BORA: variants seen among roughly 807,000 people sequenced by gnomAD.
The protein encoded by BORA is BORA aurora kinase A activator.
In BORA, 26 loss-of-function variants were observed where a neutral mutation model predicts 55.8. The ratio of observed to expected loss-of-function variants is 0.47; its 90% CI spans 0.34 to 0.65. The LOEUF (loss-of-function observed/expected upper bound fraction) is 0.65. Ranked by LOEUF, BORA falls within the 30% of genes least tolerant of loss-of-function variation. The probability of loss-of-function intolerance (pLI) is 0.01; values close to 1 mark genes in which losing one functional copy is unlikely to be tolerated. For missense variants in BORA, 568 were observed against 671.5 expected (o/e 0.85, Z 1.70); for synonymous variants, 201 against 216.9 (o/e 0.93, Z 0.64).
chr13:72,733,074 G>C (rs2032851852), intron 3 of BORA, among the ~76,000 whole-genome samples: 1 of 152,172 alleles, frequency 6.6e-6, no homozygotes, highest in Non-Finnish European at 1.5e-5. Flanking sequence ...ATGGAAAAGA[G>C]TGGGAAAATA....
chr13:72,753,644 C>CAAAA (rs762718113), intron 10 of BORA, 46 bp from the exon 11 acceptor site: 2 of 1,571,380 alleles, frequency 1.3e-6, no homozygotes. Context: ...AAATATTTGA[C>CAAAA]TTTTAAGTTC....
chr13:72,736,137 C>T (rs17089714), intron 4 of BORA, among the ~76,000 whole-genome samples: 4,018 of 152,184 alleles, frequency 0.026, 74 homozygotes, highest in Non-Finnish European at 0.04. Context: ...GACTCAGTCA[C>T]TTGGTTCTTC....
chr13:72,735,860 T>C (rs2032914979), intron 4 of BORA, among the ~76,000 whole-genome samples: 1 of 152,174 alleles, frequency 6.6e-6, no homozygotes, highest in Non-Finnish European at 1.5e-5. Context: ...CCGCCTACCT[T>C]GGCCTCCCAA....
Position 72,747,014 on chromosome 13 carries a change from TTG to T in BORA, c.1387_1388del (p.Val463LysfsTer8). Reference sequence around the variant, plus strand: ...AATGGCAGTTTACCCATGACTGATTTTGTAAGTGGCATTGCCTTCAGTATTGA... The same window carrying T: ...AATGGCAGTTTACCCATGACTGATTTTAAGTGGCATTGCCTTCAGTATTGA... On this transcript the variant is annotated frameshift_variant, in exon 10 of 12. Transcript: ENST00000390667. LOFTEE classifies it high-confidence loss of function. The T allele has an allele frequency of 6.2e-7, 1 of 1,614,164 alleles. No homozygotes were observed. Among genetic ancestry groups the T allele is most frequent in the Admixed American group, 1.7e-5 (1 of 60,016 alleles).
intron 6 of BORA, 102 bp from the exon 7 acceptor site, chr13:72,744,403 C>A: frequency 2.1e-6 from 2 of 939,570 alleles, no homozygotes; most frequent in Non-Finnish European, 3.3e-6. Flanking sequence ...TGGAACATCA[C>A]GGGGAGATGA....
intron 5 of BORA, among the ~76,000 whole-genome samples, chr13:72,738,707 ATGTT>A (rs1312139762): frequency 6.6e-6 from 1 of 152,172 alleles, no homozygotes; most frequent in East Asian, 1.9e-4. Flanking sequence ...ATAAGAGGGA[ATGTT>A]TGTTCCATTC....
In BORA at chr13:72,738,132, G is replaced by A; in HGVS notation, c.388+89G>A. 8.8e-6 allele frequency: 7 copies of A among 793,476 alleles called. No individual in the cohort carries two copies. The South Asian group carries it at 1.2e-4, about 14-fold the overall frequency. The allele number at this position is 793,476 out of a possible 1,614,324, so 49.2% of individuals were successfully genotyped here. On this transcript the variant is annotated intron_variant, in intron 5 of 11. Transcript: ENST00000390667. ...CATGAAGTGCCAGTATATCTGCTTT[G>A]TAAGAAGCTTGCTTTAAAATTCTGG...
rs538752503 is a variant in BORA at position 72,738,168 on chromosome 13, A to C, written c.388+125A>C. 4 of 484,824 alleles carry C rather than the reference A, an allele frequency of 8.3e-6. No homozygotes were observed. In the South Asian group the frequency reaches 9.3e-5, roughly 11 times the overall value. 30.0% of individuals were successfully genotyped at this position (484,824 alleles called of 1,614,324 possible). A position where few individuals can be genotyped will look rare whatever the true frequency, so the allele number is the denominator to read the frequency against. The stretch of plus-strand genomic sequence containing the variant: ...GCTTTAAAATTCTGGATAACATAGA[A>C]TTTAACTCCTTTTAGGGTTAGAATT... On this transcript the variant is annotated intron_variant, in intron 5 of 11. Coordinates refer to ENST00000390667, the MANE Select transcript of BORA (RefSeq NM_024808.5).
intron 8 of BORA, 39 bp from the exon 9 acceptor site, chr13:72,745,905 G>C (rs766775667): frequency 3.2e-6 from 5 of 1,557,470 alleles, no homozygotes; most frequent in Middle Eastern, 1.8e-4. Flanking sequence ...TTAAGGAAGA[G>C]AACCATATAC....
intron 1 of BORA, among the ~76,000 whole-genome samples, chr13:72,728,495 G>C (rs927126643): frequency 6.6e-6 from 1 of 152,184 alleles, no homozygotes; most frequent in Admixed American, 6.5e-5. Context: ...AATAGCAACT[G>C]TAGTTGGATA....
chr13:72,743,398 A>G (rs1002859115), intron 5 of BORA, 139 bp from the exon 6 acceptor site: 2 of 485,928 alleles, frequency 4.1e-6, no homozygotes, highest in African/African-American at 2.0e-5. Context: ...ACATACCAAA[A>G]TATATACTTA....
chr13:72,746,205 T>C (rs1449607087), intron 9 of BORA, 129 bp downstream of exon 9: 3 of 961,424 alleles, frequency 3.1e-6, no homozygotes, highest in Non-Finnish European at 3.0e-6. Flanking sequence ...TTTAGGAACT[T>C]TGATTTTTAA....
intron 5 of BORA, among the ~76,000 whole-genome samples, chr13:72,738,648 C>T (rs1368786089): frequency 6.6e-6 from 1 of 152,100 alleles, no homozygotes; most frequent in Non-Finnish European, 1.5e-5. Context: ...TCCCTCATCA[C>T]AGTGGAATTA....
At chr13:72,730,130 G>T (rs745504496) in intron 2 of BORA, among the ~76,000 whole-genome samples, 1 of 152,006 alleles carries the variant, frequency 6.6e-6, no homozygotes, top group African/African-American at 2.4e-5. Flanking sequence ...TGCTACACTG[G>T]ATAAGTTCTT....
At chr13:72,749,024 C>T (rs1193389299) in intron 10 of BORA, among the ~76,000 whole-genome samples, 2 of 152,112 alleles carry the variant, frequency 1.3e-5, no homozygotes, top group Non-Finnish European at 2.9e-5. Context: ...ACTCTCTGGG[C>T]CATAACATCA....
At chr13:72,728,170 G>A (rs1307270111) in intron 1 of BORA, 163 bp downstream of exon 1, 4 of 965,280 alleles carry the variant, frequency 4.1e-6, no homozygotes, top group Non-Finnish European at 6.5e-6. Context: ...ACGTAGGGTT[G>A]GGGGCGACGC....
At chr13:72,737,902 G>C (rs1247112223) in intron 4 of BORA, 60 bp from the exon 5 acceptor site, 2 of 1,099,768 alleles carry the variant, frequency 1.8e-6, no homozygotes, top group African/African-American at 3.1e-5. Flanking sequence ...GAAAAACACA[G>C]GTACCGTCTC....
At chr13:72,734,860 T>G in intron 3 of BORA, 100 bp from the exon 4 acceptor site, 1 of 836,138 alleles carries the variant, frequency 1.2e-6, no homozygotes, top group Middle Eastern at 3.4e-4. Context: ...ATTTGCCAGT[T>G]TTCAATGAAG....
intron 6 of BORA, 114 bp from the exon 7 acceptor site, chr13:72,744,391 G>C (rs1490937911): frequency 1.2e-6 from 1 of 856,910 alleles, no homozygotes; most frequent in African/African-American, 1.7e-5. Flanking sequence ...ATTCCATTTG[G>C]CTGGAACATC....
Sources: allele counts gnomAD v4.1 joint callset (sites outside exome capture counted in the v4.1 genomes callset), GRCh38; gene constraint gnomAD v4.1.1; transcripts MANE v1.5; gene names NCBI Gene and HGNC (gene_info 2026-07-23, HGNC 2026-07-21).